WWOX: variants seen among roughly 807,000 people sequenced by gnomAD.
WWOX encodes the protein WW domain containing oxidoreductase, also known as WW domain-containing oxidoreductase.
A neutral mutation model predicts 46.2 loss-of-function variants in WWOX; 69 were observed. The ratio of observed to expected loss-of-function variants is 1.49; its 90% CI spans 1.23 to 1.82. The LOEUF (loss-of-function observed/expected upper bound fraction) is 1.82, where lower values mean the gene tolerates loss of function less well. Ranked by LOEUF, WWOX falls within the 40% of genes most tolerant of loss-of-function variation. The probability of loss-of-function intolerance (pLI) is 0.00; values close to 1 mark genes in which losing one functional copy is unlikely to be tolerated. For synonymous variants in WWOX, 359 were observed against 202.6 expected, an observed-to-expected ratio of 1.77 and a Z score of -6.56; for missense variants, 919 against 542.6, an observed-to-expected ratio of 1.69 and a Z score of -6.89.
intron 5 of WWOX, among the ~76,000 whole-genome samples, chr16:78,196,770 C>G (rs940145329): frequency 6.6e-6 from 1 of 152,186 alleles, no homozygotes; most frequent in East Asian, 1.9e-4. Context: ...CAATGAATTT[C>G]ATTGCCTGCA....
chr16:78,298,727 G>A (rs1157571109), intron 5 of WWOX, among the ~76,000 whole-genome samples: 1 of 151,464 alleles, frequency 6.6e-6, no homozygotes, highest in African/African-American at 2.4e-5. Context: ...GGAGGCGGAG[G>A]TTGTGGTGAG....
chr16:78,200,649 G>C (rs949737135), intron 5 of WWOX, among the ~76,000 whole-genome samples: 1 of 150,986 alleles, frequency 6.6e-6, no homozygotes, highest in African/African-American at 2.4e-5. Flanking sequence ...TTAGGCCCTG[G>C]GGAATTTTTG....
intron 8 of WWOX, among the ~76,000 whole-genome samples, chr16:78,969,108 C>G (rs924457033): frequency 1.3e-5 from 2 of 152,028 alleles, no homozygotes; most frequent in Non-Finnish European, 2.9e-5. Flanking sequence ...GAGGGAGAAG[C>G]CAGTGGAGCA....
At chr16:78,747,459 A>T (rs935852675) in intron 8 of WWOX, among the ~76,000 whole-genome samples, 1 of 152,192 alleles carries the variant, frequency 6.6e-6, no homozygotes, top group South Asian at 2.1e-4. Context: ...CCCATCATTT[A>T]TGAAGTGCTC....
At chr16:79,078,893 T>C (rs1311050765) in intron 8 of WWOX, among the ~76,000 whole-genome samples, 2 of 152,178 alleles carry the variant, frequency 1.3e-5, no homozygotes, top group African/African-American at 4.8e-5. Context: ...AGGTGCTCAA[T>C]AAATACTTCC....
chr16:78,373,180 C>A (rs1281534481), intron 5 of WWOX, among the ~76,000 whole-genome samples: 1 of 152,112 alleles, frequency 6.6e-6, no homozygotes, highest in Admixed American at 6.5e-5. Flanking sequence ...TTTAGCTCTT[C>A]CCTAGAGCTT....
At chr16:79,167,706 CTTGTTTTGTTTCGTTTCCCTGCAAACA>C (rs1413851178) in intron 8 of WWOX, among the ~76,000 whole-genome samples, 1 of 152,196 alleles carries the variant, frequency 6.6e-6, no homozygotes, top group Admixed American at 6.5e-5. Context: ...CCCTTGTATC[CTTGTTTTGTTTCGTTTCCCTGCAAACA>C]TTGTTTTAGT....
chr16:78,796,740 G>A (rs956064950), intron 8 of WWOX, among the ~76,000 whole-genome samples: 9 of 152,104 alleles, frequency 5.9e-5, no homozygotes, highest in Non-Finnish European at 4.4e-5. Flanking sequence ...GCATTCTTCA[G>A]TTCCCAACGG....
chr16:78,961,716 C>T (rs2046274427), intron 8 of WWOX, among the ~76,000 whole-genome samples: 1 of 152,140 alleles, frequency 6.6e-6, no homozygotes, highest in Non-Finnish European at 1.5e-5. Flanking sequence ...GGTATCACTT[C>T]CTGATTTTCT....
At chr16:78,301,958 G>GTTTTTTTTTTTTTTTTTT (rs747979480) in intron 5 of WWOX, among the ~76,000 whole-genome samples, 2 of 142,126 alleles carry the variant, frequency 1.4e-5, no homozygotes, top group South Asian at 2.3e-4. Context: ...AGATGAGGGT[G>GTTTTTTTTTTTTTTTTTT]TTTTTTTTTT....
In WWOX at chr16:78,180,824, A is replaced by G. The variant is rs76487365; in HGVS notation, c.516+16535A>G. On this transcript the variant is annotated intron_variant, in intron 5 of 8. Coordinates refer to ENST00000566780, the MANE Select transcript of WWOX (RefSeq NM_016373.4). ...CCCAGCTGCACCCCAGAGCAGGTGT[A>G]TACATGAGTGCTAGTGGGTAAATCC... Among the ~76,000 whole-genome samples, 750 of 152,316 alleles carry G rather than the reference A, an allele frequency of 4.9e-3. 35 individuals are homozygous for G. The East Asian group carries it at 0.11, about 23-fold the overall frequency.
chr16:78,560,370 C>T (rs1046095424), intron 8 of WWOX, among the ~76,000 whole-genome samples: 6 of 152,118 alleles, frequency 3.9e-5, no homozygotes, highest in South Asian at 2.1e-4. Flanking sequence ...TGGCCAGGTG[C>T]GGTGGCTCAC....
At chr16:78,980,498 ACTGC>A (rs1256581223) in intron 8 of WWOX, among the ~76,000 whole-genome samples, 1 of 152,230 alleles carries the variant, frequency 6.6e-6, no homozygotes, top group African/African-American at 2.4e-5. Context: ...AATTAAATTG[ACTGC>A]CTGGCAATCC....
chr16:78,762,102 C>T (rs999383734), intron 8 of WWOX, among the ~76,000 whole-genome samples: 4 of 152,288 alleles, frequency 2.6e-5, no homozygotes, highest in African/African-American at 4.8e-5. Context: ...TAACTGCCCA[C>T]AGTAATCCTG....
intron 8 of WWOX, among the ~76,000 whole-genome samples, chr16:78,769,110 A>G (rs1352632386): frequency 1.3e-5 from 2 of 152,218 alleles, no homozygotes; most frequent in African/African-American, 4.8e-5. Flanking sequence ...GGCATTTGAT[A>G]GTGAGGTATT....
At chr16:78,951,811 G>A (rs896375141) in intron 8 of WWOX, among the ~76,000 whole-genome samples, 11 of 152,130 alleles carry the variant, frequency 7.2e-5, no homozygotes, top group Non-Finnish European at 1.0e-4. Flanking sequence ...TTGCAGGAAA[G>A]GTCTGAGCAG....
intron 8 of WWOX, among the ~76,000 whole-genome samples, chr16:78,947,110 A>AT (rs2045964291): frequency 6.6e-6 from 1 of 152,114 alleles, no homozygotes; most frequent in Non-Finnish European, 1.5e-5. Context: ...GGAAAAAAAA[A>AT]AAAGAGGGGG....
chr16:78,877,729 C>T (rs551483721), intron 8 of WWOX, among the ~76,000 whole-genome samples: 1 of 152,186 alleles, frequency 6.6e-6, no homozygotes, highest in Non-Finnish European at 1.5e-5. Flanking sequence ...TATTGTACTT[C>T]AGGGCCTAGA....
At chr16:78,574,988 T>C (rs1270885759) in intron 8 of WWOX, among the ~76,000 whole-genome samples, 2 of 86,804 alleles carry the variant, frequency 2.3e-5, no homozygotes, top group African/African-American at 8.3e-5. Flanking sequence ...TATTCAATAT[T>C]TATTTTTCAA....
Sources: allele counts gnomAD v4.1 joint callset (sites outside exome capture counted in the v4.1 genomes callset), GRCh38; gene constraint gnomAD v4.1.1; transcripts MANE v1.5; gene names NCBI Gene and HGNC (gene_info 2026-07-23, HGNC 2026-07-21).